Variants in NHERF2 observed in about 807,000 individuals in gnomAD.
The protein encoded by NHERF2 is Na(+)/H(+) exchange regulatory cofactor NHE-RF2.
chr16:2,027,289 C>T, the NHERF2 span: 58 of 975,756 alleles, frequency 5.9e-5, no homozygotes, highest in Non-Finnish European at 7.3e-5. Context: ...GAGCAGGGGT[C>T]GCACGGGGGC....
chr16:2,035,257 G>A, the NHERF2 span: 13 of 303,014 alleles, frequency 4.3e-5, no homozygotes, highest in Middle Eastern at 1.7e-3. Context: ...GGTCCCCCCC[G>A]CTGACATGGC....
chr16:2,038,445 T>C, the NHERF2 span: 2 of 331,188 alleles, frequency 6.0e-6, no homozygotes, highest in East Asian at 1.4e-4. Flanking sequence ...TGGGACGCGC[T>C]CTAAATAATT....
At chr16:2,036,675 C>G in the NHERF2 span, 1 of 1,595,436 alleles carries the variant, frequency 6.3e-7, no homozygotes, top group Non-Finnish European at 8.5e-7. Flanking sequence ...GGCCACGCGG[C>G]GTTGGGGGCT....
chr16:2,033,450 G>A, the NHERF2 span: 3 of 1,515,384 alleles, frequency 2.0e-6, no homozygotes, highest in Non-Finnish European at 2.7e-6. Flanking sequence ...GGGGTGGGAG[G>A]AAGGGAGGGC....
the NHERF2 span, chr16:2,027,222 G>C: frequency 2.9e-5 from 38 of 1,329,712 alleles, no homozygotes; most frequent in African/African-American, 5.6e-4. Flanking sequence ...CCACCAGGTG[G>C]GGGCCAGCGC....
the NHERF2 span, among the ~76,000 whole-genome samples, chr16:2,031,222 C>T: frequency 6.6e-6 from 1 of 152,202 alleles, no homozygotes; most frequent in Non-Finnish European, 1.5e-5. Context: ...CCTGTGGGAC[C>T]CGTTTTGTTC....
the NHERF2 span, chr16:2,035,572 C>T: frequency 2.0e-6 from 2 of 987,504 alleles, no homozygotes; most frequent in Non-Finnish European, 2.4e-6. Flanking sequence ...TTTAACTGAG[C>T]ACGGGCAGCC....
At chr16:2,027,413 T>C in the NHERF2 span, among the ~76,000 whole-genome samples, 3 of 151,472 alleles carry the variant, frequency 2.0e-5, no homozygotes, top group Non-Finnish European at 4.4e-5. Context: ...GGGGGCATCC[T>C]GGCAGGGAGG....
chr16:2,030,266 G>C, the NHERF2 span, among the ~76,000 whole-genome samples: 1 of 152,176 alleles, frequency 6.6e-6, no homozygotes, highest in Non-Finnish European at 1.5e-5. Flanking sequence ...GGAAGCCTAG[G>C]AGGCCACTCT....
the NHERF2 span, among the ~76,000 whole-genome samples, chr16:2,028,713 G>A: frequency 3.2e-4 from 49 of 152,136 alleles, no homozygotes; most frequent in Non-Finnish European, 5.6e-4. Flanking sequence ...TGCTGAGCCC[G>A]GCAGCTGGTG....
At chr16:2,027,696 G>A in the NHERF2 span, among the ~76,000 whole-genome samples, 2 of 152,246 alleles carry the variant, frequency 1.3e-5, no homozygotes, top group Admixed American at 6.5e-5. Context: ...GCACCTGTGT[G>A]TGCTGTAGTG....
the NHERF2 span, chr16:2,036,932 C>G: frequency 1.3e-5 from 20 of 1,572,552 alleles, no homozygotes; most frequent in South Asian, 2.2e-4. Context: ...GGCTGAGCAG[C>G]CACTGACACG....
the NHERF2 span, chr16:2,027,115 G>T: frequency 2.7e-6 from 4 of 1,467,292 alleles, no homozygotes; most frequent in Non-Finnish European, 3.6e-6. Context: ...CAGTTCATCC[G>T]GCGCGTGGAA....
the NHERF2 span, chr16:2,037,632 G>C: frequency 6.2e-7 from 1 of 1,606,444 alleles, no homozygotes; most frequent in Admixed American, 1.7e-5. Context: ...GAGCTCACAC[G>C]TGGGGTTGCT....
At chr16:2,036,426 G>A in the NHERF2 span, 52 of 1,607,126 alleles carry the variant, frequency 3.2e-5, no homozygotes, top group Admixed American at 3.2e-4. Flanking sequence ...GTCCCGGCCC[G>A]GCCAGTACAT....
chr16:2,029,384 C>T, the NHERF2 span: 21 of 596,752 alleles, frequency 3.5e-5, no homozygotes, highest in Middle Eastern at 4.4e-4. Context: ...CCTCAGTGTC[C>T]GGAGCCTGAG....
chr16:2,035,492 G>T, the NHERF2 span: 2 of 986,472 alleles, frequency 2.0e-6, no homozygotes, highest in Middle Eastern at 1.0e-3. Context: ...AGTCTCCCCT[G>T]CGCACGCCCT....
the NHERF2 span, chr16:2,038,270 A>AGCGC: frequency 3.6e-6 from 2 of 551,574 alleles, no homozygotes; most frequent in Non-Finnish European, 6.6e-6. Flanking sequence ...AGAGCGAGCG[A>AGCGC]GCGCGCGGCA....
the NHERF2 span, chr16:2,036,564 T>C: frequency 7.8e-6 from 12 of 1,531,398 alleles, no homozygotes; most frequent in Admixed American, 1.2e-4. Context: ...ACTGGGGCCC[T>C]GGGTCCTTGC....
Sources: gnomAD v4.1 joint callset for allele counts (sites outside exome capture counted in the v4.1 genomes callset) on GRCh38, gnomAD v4.1.1 for gene constraint, MANE v1.5 for transcripts, NCBI Gene and HGNC (gene_info 2026-07-23, HGNC 2026-07-21) for gene names.